The following CBY2 variants were observed in gnomAD, a reference collection of about 807,000 sequenced individuals.
The protein encoded by CBY2 is protein chibby homolog 2.
Under a neutral mutation model 25.3 loss-of-function variants are expected in CBY2, and 23 were observed. The ratio of observed to expected loss-of-function variants is 0.91; its 90% CI spans 0.65 to 1.29. The LOEUF is 1.29. CBY2 is among the 50% of genes most tolerant of loss of function. CBY2 has a pLI of 0.00. For missense variants in CBY2, 642 were observed against 590.7 expected, an observed-to-expected ratio of 1.09 and a Z score of -0.90; for synonymous variants, 279 against 260.2, an observed-to-expected ratio of 1.07 and a Z score of -0.70.
Position 45,713,106 on chromosome 13 carries a change from C to T in CBY2, c.157-76C>T, listed in dbSNP as rs2137510989. The T allele has an allele frequency of 8.1e-7, 1 of 1,233,544 alleles. No homozygotes were observed. The highest frequency in any genetic ancestry group is 2.5e-5 in the East Asian group (1 of 39,850). 76.4% of individuals were successfully genotyped at this position (1,233,544 alleles called of 1,614,324 possible). A position where few individuals can be genotyped will look rare whatever the true frequency, so the allele number is the denominator to read the frequency against. On this transcript the variant is annotated intron_variant, in intron 2 of 2. Coordinates refer to ENST00000310521, the MANE Select transcript of CBY2 (RefSeq NM_152719.3). The surrounding 1 kb of genome is among the most constrained non-coding windows in gnomAD (Gnocchi z 5.0). ...TCAGACGGGGCTTATTTGGGGATGT[C>T]CTGGCCCCTTTGTCAGCCAGCCCCA...
rs1593357803 is a variant in CBY2 at position 45,713,532 on chromosome 13, G to A, written c.507G>A (p.Gln169=). The A allele has an allele frequency of 4.3e-6, 7 of 1,614,128 alleles. No individual in the cohort carries two copies. The East Asian group carries it at 1.6e-4, about 36-fold the overall frequency. The change falls in exon 3 of 3, where the codon CAG becomes CAA. Residue 169 remains glutamine (Q), a synonymous_variant. Transcript: ENST00000310521. The surrounding 1 kb of genome is among the most constrained non-coding windows in gnomAD (Gnocchi z 5.0). ...GGCTGGCCAAGGAGTGCATGCTGCA[G>A]GAGGAGAACAAGTCTCTGCGGGAGG... is the stretch of plus-strand genomic sequence containing the variant. The part of the protein sequence containing the change: ...HKRLAKECML[Q]EENKSLREEN...
chr13:45,703,449 C>T (rs1950222438), intron 2 of CBY2: 2 of 1,541,060 alleles, frequency 1.3e-6, no homozygotes, highest in Admixed American at 2.0e-5. Flanking sequence ...TTAGTGGAGT[C>T]CTCTTGATTG....
Position 45,713,477 on chromosome 13 carries a change from C to T in CBY2, c.452C>T (p.Ala151Val), listed in dbSNP as rs1347234965. Reference protein sequence around the residue: ...RLQSPYFSPSASFHHKLHHKR... With the variant: ...RLQSPYFSPSVSFHHKLHHKR... ...CAGTCTCCCTACTTCTCCCCATCCG[C>T]CTCCTTCCACCACAAGCTGCACCAC... Residue 151 changes from alanine to valine, a missense_variant, in exon 3 of 3, where the codon GCC becomes GTC. Transcript: ENST00000310521. The surrounding 1 kb of genome is among the most constrained non-coding windows in gnomAD (Gnocchi z 5.0). 1.9e-6 allele frequency: 3 copies of T among 1,614,204 alleles called. No homozygotes were observed. Among genetic ancestry groups the T allele is most frequent in the South Asian group, 2.2e-5 (2 of 91,082 alleles).
At position 45,703,111 on chromosome 13, in the gene CBY2, A is replaced by G. The variant is rs1293917134; in HGVS notation, c.156+256A>G. The G allele has an allele frequency of 6.9e-6, 9 of 1,302,976 alleles. No homozygotes were observed. The African/African-American group carries it at 1.0e-4, about 15-fold the overall frequency. 80.7% of individuals were successfully genotyped at this position (1,302,976 alleles called of 1,614,324 possible). On this transcript the variant is annotated intron_variant, in intron 2 of 2. Transcript: ENST00000310521. ...AAGAACTTCCAGTCCTAACATTCCA[A>G]GTTTCTATGATACACTGAAGTAACC...
chr13:45,711,537 T>C (rs1388630952), intron 2 of CBY2, among the ~76,000 whole-genome samples: 1 of 152,156 alleles, frequency 6.6e-6, no homozygotes, highest in Non-Finnish European at 1.5e-5. Context: ...GTAATGCTGG[T>C]GCAACCCTCA....
chr13:45,713,749 AAGG>A lies in CBY2; in HGVS notation c.729_731del (p.Glu243del), dbSNP rs1566071896. On this transcript the variant is annotated inframe_deletion, in exon 3 of 3. Coordinates refer to ENST00000310521, the MANE Select transcript of CBY2 (RefSeq NM_152719.3). The surrounding 1 kb of genome is among the most constrained non-coding windows in gnomAD (Gnocchi z 5.0). ...CGTCGCCCTGCAGGTGCCCCGTGGC[AAGG>A]AGGACAGCACCCTGCAGCTCCTCCG... is the stretch of plus-strand genomic sequence containing the variant. The A allele has an allele frequency of 6.2e-7, 1 of 1,610,038 alleles. No individual in the cohort carries two copies. The highest frequency in any genetic ancestry group is 8.5e-7 in the Non-Finnish European group (1 of 1,179,122).
intron 2 of CBY2, chr13:45,703,298 G>A (rs1950221630): frequency 7.3e-7 from 1 of 1,364,306 alleles, no homozygotes; most frequent in African/African-American, 1.5e-5. Flanking sequence ...ATTTGGAGCT[G>A]TCAAGAGAAT....
Position 45,702,776 on chromosome 13 carries a change from A to G in CBY2, c.77A>G (p.His26Arg), listed in dbSNP as rs1442486749. 1 of 1,612,904 alleles carries G rather than the reference A, an allele frequency of 6.2e-7. No individual in the cohort carries two copies. The highest frequency in any genetic ancestry group is 8.5e-7 in the Non-Finnish European group (1 of 1,179,002). ...HRTYTWQLTL[H>R]SRPNYTRKRD... ...CTTCTTCTTTTCTCGTTTCCACAGCACTCAAGGCCAAATTATACAAGAAAA... is the reference window on the plus strand; with the variant it reads ...CTTCTTCTTTTCTCGTTTCCACAGCGCTCAAGGCCAAATTATACAAGAAAA... The change falls in exon 2 of 3, where the codon CAC becomes CGC. Residue 26 changes from histidine to arginine, a missense_variant and splice_region_variant. Physicochemically the swap from His to Arg is conservative, Grantham distance 29 (BLOSUM62 0). Transcript: ENST00000310521.
Position 45,704,629 on chromosome 13 carries a change from G to C in CBY2, c.156+1774G>C, listed in dbSNP as rs775693179. ...GGCTTAGGGGACAGGGTTGATCTGG[G>C]AAGCAAGGAGAGGAAGAAATATTGA... On this transcript the variant is annotated intron_variant, in intron 2 of 2. Coordinates refer to ENST00000310521, the MANE Select transcript of CBY2 (RefSeq NM_152719.3). The surrounding 1 kb of genome is among the most constrained non-coding windows in gnomAD (Gnocchi z 4.1). Among the ~76,000 whole-genome samples, 2 of 152,228 alleles carry C rather than the reference G, an allele frequency of 1.3e-5. No individual in the cohort carries two copies. The highest frequency in any genetic ancestry group is 6.5e-5 in the Admixed American group (1 of 15,282).
chr13:45,713,156 C>A lies in CBY2; in HGVS notation c.157-26C>A. ...AAGTGTGTCAGTCCCATCGTTAACGCTGGGCTTTCCCATTCTCTCCCGCAG... is the reference window on the plus strand; with the variant it reads ...AAGTGTGTCAGTCCCATCGTTAACGATGGGCTTTCCCATTCTCTCCCGCAG... On this transcript the variant is annotated intron_variant, in intron 2 of 2. Coordinates refer to ENST00000310521, the MANE Select transcript of CBY2 (RefSeq NM_152719.3). The surrounding 1 kb of genome is among the most constrained non-coding windows in gnomAD (Gnocchi z 5.0). The A allele has an allele frequency of 6.4e-7, 1 of 1,561,430 alleles. No homozygotes were observed. Among genetic ancestry groups the A allele is most frequent in the Non-Finnish European group, 8.7e-7 (1 of 1,143,988 alleles).
At position 45,713,351 on chromosome 13, in the gene CBY2, A is replaced by C. The variant is rs748701809; in HGVS notation, c.326A>C (p.Gln109Pro). The C allele has an allele frequency of 1.9e-6, 3 of 1,614,054 alleles. No individual in the cohort carries two copies. Among genetic ancestry groups the C allele is most frequent in the Non-Finnish European group, 2.5e-6 (3 of 1,180,030 alleles). ...PLDPMERPMSQADLELDYNPP... is the reference protein window; with the variant it reads ...PLDPMERPMSPADLELDYNPP... ...GACCCCATGGAGCGCCCCATGTCCC[A>C]GGCCGACCTGGAGCTGGACTACAAC... Residue 109 changes from glutamine to proline, a missense_variant, in exon 3 of 3, where the codon CAG (glutamine) becomes CCG (proline). Physicochemically the swap from Gln to Pro is moderately conservative, Grantham distance 76. Coordinates refer to ENST00000310521, the MANE Select transcript of CBY2 (RefSeq NM_152719.3). The surrounding 1 kb of genome is among the most constrained non-coding windows in gnomAD (Gnocchi z 5.0).
intron 2 of CBY2, among the ~76,000 whole-genome samples, chr13:45,707,094 TTC>T (rs1345024562): frequency 6.6e-6 from 1 of 152,130 alleles, no homozygotes; most frequent in African/African-American, 2.4e-5. Context: ...AGAGGTGACA[TTC>T]TGAGAGGCAA....
intron 2 of CBY2, among the ~76,000 whole-genome samples, chr13:45,709,977 T>C (rs1462087472): frequency 6.6e-6 from 1 of 152,184 alleles, no homozygotes; most frequent in African/African-American, 2.4e-5. Flanking sequence ...AGTTTCTCCA[T>C]CTGTAAAATA....
chr13:45,710,510 G>C (rs947233731), intron 2 of CBY2, among the ~76,000 whole-genome samples: 30 of 152,096 alleles, frequency 2.0e-4, no homozygotes, highest in Non-Finnish European at 4.0e-4. Flanking sequence ...GCGACAGAGT[G>C]AGACTCCGTC....
At position 45,712,729 on chromosome 13, in the gene CBY2, T is replaced by C. The variant is rs1950277872; in HGVS notation, c.157-453T>C. Among the ~76,000 whole-genome samples the C allele has an allele frequency of 2.6e-5, 4 of 152,196 alleles. No individual in the cohort carries two copies. The South Asian group carries it at 8.3e-4, about 32-fold the overall frequency. ...TTCTGTACCATTCCAAGTCAAGTGC[T>C]GTCTAGTATTCCCAATCACAAGAAG... On this transcript the variant is annotated intron_variant, in intron 2 of 2. Coordinates refer to ENST00000310521, the MANE Select transcript of CBY2 (RefSeq NM_152719.3).
rs1284049965 is a variant in CBY2, at chr13:45,703,542, C to G, written c.156+687C>G. On this transcript the variant is annotated intron_variant, in intron 2 of 2. Coordinates refer to ENST00000310521, the MANE Select transcript of CBY2 (RefSeq NM_152719.3). ...CTAAGTCCTCATTGGAAGACCAGGGCCATGCAACCAGAGGGGTTGAAATGT... is the reference window on the plus strand; with the variant it reads ...CTAAGTCCTCATTGGAAGACCAGGGGCATGCAACCAGAGGGGTTGAAATGT... 1.1e-5 allele frequency: 17 copies of G among 1,550,854 alleles called. No individual in the cohort carries two copies. In the East Asian group the frequency reaches 1.5e-4, roughly 13 times the overall value.
chr13:45,702,743 G>A, intron 1 of CBY2, 32 bp from the exon 2 acceptor site: 2 of 1,556,744 alleles, frequency 1.3e-6, no homozygotes, highest in East Asian at 2.2e-5. Context: ...GAGCTGGGAA[G>A]CAGTAATCTT....
intron 2 of CBY2, among the ~76,000 whole-genome samples, chr13:45,712,293 C>A (rs116056377): frequency 0.018 from 2,747 of 152,260 alleles, 59 homozygotes; most frequent in Middle Eastern, 0.078. Flanking sequence ...ATGCAATTAT[C>A]CCAATTTGAA....
At chr13:45,711,452 A>G (rs1014103584) in intron 2 of CBY2, among the ~76,000 whole-genome samples, 7 of 152,126 alleles carry the variant, frequency 4.6e-5, no homozygotes, top group Non-Finnish European at 1.0e-4. Flanking sequence ...CTCAAAGAGG[A>G]TAAGAGAGCT....
Sources: gnomAD v4.1 joint callset for allele counts (sites outside exome capture counted in the v4.1 genomes callset) on GRCh38, gnomAD v4.1.1 for gene constraint, Gnocchi (gnomAD v3.1) non-coding constraint, MANE v1.5 for transcripts, NCBI Gene and HGNC (gene_info 2026-07-23, HGNC 2026-07-21) for gene names.